PHACTR2: variants seen among roughly 807,000 people sequenced by gnomAD.
The protein encoded by PHACTR2 is phosphatase and actin regulator 2.
Under a neutral mutation model 76.0 loss-of-function variants are expected in PHACTR2, and 30 were observed. That is an observed-to-expected ratio of 0.39 (90% CI 0.30 to 0.54). The LOEUF (loss-of-function observed/expected upper bound fraction) is 0.54. PHACTR2 is among the 20% of genes least tolerant of loss of function. The probability of loss-of-function intolerance (pLI) is 0.61; values close to 1 mark genes in which losing one functional copy is unlikely to be tolerated. For synonymous variants in PHACTR2, 292 were observed against 292.5 expected (o/e 1.00, Z 0.02); for missense variants, 696 against 781.1 (o/e 0.89, Z 1.30).
At position 143,765,180 on chromosome 6, in the gene PHACTR2, G is replaced by T. The variant is rs908050450; in HGVS notation, c.695-81G>T. On this transcript the variant is annotated intron_variant, in intron 5 of 12. Transcript: ENST00000440869. This position sits in a 1 kb window ranked among gnomAD's most constrained non-coding sequence, Gnocchi z 4.1. ...CTTTAAAGGGAACATTTTAAATGTT[G>T]TTGACAGTTACACCTTGGTTACTTT... 2 of 1,062,142 alleles carry T rather than the reference G, an allele frequency of 1.9e-6. No individual in the cohort carries two copies. The highest frequency in any genetic ancestry group is 3.2e-5 in the African/African-American group (2 of 63,054). The allele number at this position is 1,062,142 out of a possible 1,614,324, so 65.8% of individuals were successfully genotyped here.
rs749465295 is a variant in PHACTR2 at position 143,801,641 on chromosome 6, A to G, written c.1846-5416A>G. ...TTTTAGCTTCCTTGAAATGGATTAG[A>G]TCATGCTCCTTTAGCTCGGAGAAGT... On this transcript the variant is annotated intron_variant, in intron 11 of 12. Transcript: ENST00000440869. The surrounding 1 kb of genome is among the most constrained non-coding windows in gnomAD (Gnocchi z 4.6). Among the ~76,000 whole-genome samples, 3 of 152,128 alleles carry G rather than the reference A, an allele frequency of 2.0e-5. No homozygotes were observed. Among genetic ancestry groups the G allele is most frequent in the Non-Finnish European group, 4.4e-5 (3 of 68,024 alleles).
chr6:143,642,249 C>G (rs759232243), intron 1 of PHACTR2, among the ~76,000 whole-genome samples: 1 of 152,186 alleles, frequency 6.6e-6, no homozygotes, highest in African/African-American at 2.4e-5. Context: ...GAAGATCCAG[C>G]TTCTGTACCA....
intron 1 of PHACTR2, among the ~76,000 whole-genome samples, chr6:143,600,950 A>G (rs1775809027): frequency 6.6e-6 from 1 of 152,266 alleles, no homozygotes; most frequent in African/African-American, 2.4e-5. Context: ...GAGATGACAC[A>G]TGAACATGCT....
intron 1 of PHACTR2, among the ~76,000 whole-genome samples, chr6:143,569,021 T>C (rs1775403408): frequency 6.6e-6 from 1 of 152,208 alleles, no homozygotes; most frequent in African/African-American, 2.4e-5. Flanking sequence ...TTCCCAGATA[T>C]ATTTCTCCCT....
In PHACTR2 at chr6:143,801,274, T is replaced by A. The variant is rs1452081332; in HGVS notation, c.1846-5783T>A. 6.6e-6 allele frequency among the ~76,000 whole-genome samples: 1 copy of A among 152,230 alleles called. No individual in the cohort carries two copies. Among genetic ancestry groups the A allele is most frequent in the Admixed American group, 6.5e-5 (1 of 15,280 alleles). On this transcript the variant is annotated intron_variant, in intron 11 of 12. Coordinates refer to ENST00000440869, the MANE Select transcript of PHACTR2 (RefSeq NM_001100164.2). The surrounding 1 kb of genome is among the most constrained non-coding windows in gnomAD (Gnocchi z 4.6). Reference sequence around the variant, plus strand: ...GCTAGGTTGGGGAAGTTCTCCTGGATAATATCCTGAAGAGTGTTTTTCAAC... The same window carrying A: ...GCTAGGTTGGGGAAGTTCTCCTGGAAAATATCCTGAAGAGTGTTTTTCAAC...
In PHACTR2 at chr6:143,541,537, ATTAGC is replaced by A. The variant is rs1337660834; in HGVS notation, c.217+4334_217+4338del. On this transcript the variant is annotated intron_variant, in intron 1 of 11. Transcript: ENST00000367584. The surrounding 1 kb of genome is among the most constrained non-coding windows in gnomAD (Gnocchi z 5.3). ...GCAGTATAGGTGTGTGGACCACTTCATTAGCTTAATGTGCAAGTACAATCTCATCT... is the reference window on the plus strand; with the variant it reads ...GCAGTATAGGTGTGTGGACCACTTCATTAATGTGCAAGTACAATCTCATCT... 2.0e-5 allele frequency among the ~76,000 whole-genome samples: 3 copies of A among 152,242 alleles called. No individual in the cohort carries two copies. Among genetic ancestry groups the A allele is most frequent in the Admixed American group, 1.3e-4 (2 of 15,282 alleles).
rs568227331 is a variant in PHACTR2, at chr6:143,823,638, A to G, written c.1923-36A>G. 3 of 1,594,274 alleles carry G rather than the reference A, an allele frequency of 1.9e-6. No individual in the cohort carries two copies. Among genetic ancestry groups the G allele is most frequent in the East Asian group, 2.2e-5 (1 of 44,770 alleles). On this transcript the variant is annotated intron_variant, in intron 12 of 12. Coordinates refer to ENST00000440869, the MANE Select transcript of PHACTR2 (RefSeq NM_001100164.2). This position sits in a 1 kb window ranked among gnomAD's most constrained non-coding sequence, Gnocchi z 5.7. ...CTCACTGCATGCAGAATGTGCTCCT[A>G]GGCCACAGGCTTATAGTTTCTATTT...
rs916100490 is a variant in PHACTR2, at chr6:143,709,190, C to T, written c.47-2826C>T. 6.6e-6 allele frequency among the ~76,000 whole-genome samples: 1 copy of T among 152,062 alleles called. No individual in the cohort carries two copies. Among genetic ancestry groups the T allele is most frequent in the African/African-American group, 2.4e-5 (1 of 41,388 alleles). Reference sequence around the variant, plus strand: ...GAATTAGCTTCAAAATCAGTCTGTCCCCTGTATCTCTATCTGTTGTGCTAT... The same window carrying T: ...GAATTAGCTTCAAAATCAGTCTGTCTCCTGTATCTCTATCTGTTGTGCTAT... On this transcript the variant is annotated intron_variant, in intron 1 of 12. Coordinates refer to ENST00000440869, the MANE Select transcript of PHACTR2 (RefSeq NM_001100164.2). This position sits in a 1 kb window ranked among gnomAD's most constrained non-coding sequence, Gnocchi z 4.4.
chr6:143,713,337 T>A (rs1778224837), intron 2 of PHACTR2, among the ~76,000 whole-genome samples: 1 of 152,086 alleles, frequency 6.6e-6, no homozygotes, highest in African/African-American at 2.4e-5. Context: ...GAGTGTGAGG[T>A]AGGTAAGATT....
rs1775072281 is a variant in PHACTR2, at chr6:143,550,058, A to C, written c.217+12851A>C. Among the ~76,000 whole-genome samples, 1 of 152,032 alleles carries C rather than the reference A, an allele frequency of 6.6e-6. No individual in the cohort carries two copies. Among genetic ancestry groups the C allele is most frequent in the African/African-American group, 2.4e-5 (1 of 41,426 alleles). On this transcript the variant is annotated intron_variant, in intron 1 of 11. Transcript: ENST00000367584. This position sits in a 1 kb window ranked among gnomAD's most constrained non-coding sequence, Gnocchi z 4.8. Reference sequence around the variant, plus strand: ...GAGTGATATCCCAATGCATCAGTGGACTACTCAAATCAAACGTAATGGCCT... The same window carrying C: ...GAGTGATATCCCAATGCATCAGTGGCCTACTCAAATCAAACGTAATGGCCT...
At position 143,709,483 on chromosome 6, in the gene PHACTR2, C is replaced by T. The variant is rs767755257; in HGVS notation, c.47-2533C>T. 5.9e-5 allele frequency among the ~76,000 whole-genome samples: 9 copies of T among 152,122 alleles called. No individual in the cohort carries two copies. The highest frequency in any genetic ancestry group is 2.1e-4 in the South Asian group (1 of 4,822). On this transcript the variant is annotated intron_variant, in intron 1 of 12. Transcript: ENST00000440869. This position sits in a 1 kb window ranked among gnomAD's most constrained non-coding sequence, Gnocchi z 4.4. ...GGTTCTTAGTGTGTCAAGTGATTTTCGATGGAAACTTGGACATTTTTGTAT... is the reference window on the plus strand; with the variant it reads ...GGTTCTTAGTGTGTCAAGTGATTTTTGATGGAAACTTGGACATTTTTGTAT...
chr6:143,621,542 A>T lies in PHACTR2; in HGVS notation c.13+13220A>T, dbSNP rs1776154311. Among the ~76,000 whole-genome samples, 1 of 152,156 alleles carries T rather than the reference A, an allele frequency of 6.6e-6. No individual in the cohort carries two copies. Among genetic ancestry groups the T allele is most frequent in the Non-Finnish European group, 1.5e-5 (1 of 68,034 alleles). On this transcript the variant is annotated intron_variant, in intron 1 of 11. Coordinates refer to the PHACTR2 transcript ENST00000305766. This position sits in a 1 kb window ranked among gnomAD's most constrained non-coding sequence, Gnocchi z 4.1. ...GCAACTCTTTCTTATATTTAATCAC[A>T]TTTACTGGCTTTCTCAAATTGAACA...
intron 1 of PHACTR2, among the ~76,000 whole-genome samples, chr6:143,642,900 A>G (rs532217886): frequency 1.2e-4 from 19 of 152,358 alleles, no homozygotes; most frequent in Non-Finnish European, 8.8e-5. Flanking sequence ...ATGTTCTTTA[A>G]GCCACCCAGT....
rs76116127 is a variant in PHACTR2, at chr6:143,544,222, T to G, written c.217+7015T>G. Among the ~76,000 whole-genome samples the G allele has an allele frequency of 7.0e-3, 936 of 134,202 alleles. 10 individuals are homozygous for G. The highest frequency in any genetic ancestry group is 0.028 in the African/African-American group (905 of 32,312). 88.0% of individuals were successfully genotyped at this position (134,202 alleles called of 152,430 possible). A position where few individuals can be genotyped will look rare whatever the true frequency, so the allele number is the denominator to read the frequency against. ...TTGTGTGATAGTAGGTCATAAGACC[T>G]TCATTCCAGGAGGGAGGGAGGGAGG... is the stretch of plus-strand genomic sequence containing the variant. On this transcript the variant is annotated intron_variant, in intron 1 of 11. Transcript: ENST00000367584.
At position 143,664,509 on chromosome 6, in the gene PHACTR2, T is replaced by A. The variant is rs894093255; in HGVS notation, c.14-47507T>A. On this transcript the variant is annotated intron_variant, in intron 1 of 11. Coordinates refer to the PHACTR2 transcript ENST00000305766. The surrounding 1 kb of genome is among the most constrained non-coding windows in gnomAD (Gnocchi z 5.1). ...TTCTCATTATTTGGATTAGTGAAGCTTTCTTTAATCCCCTTCTTTTGTTTA... is the reference window on the plus strand; with the variant it reads ...TTCTCATTATTTGGATTAGTGAAGCATTCTTTAATCCCCTTCTTTTGTTTA... Among the ~76,000 whole-genome samples the A allele has an allele frequency of 2.0e-5, 3 of 152,212 alleles. No individual in the cohort carries two copies. Among genetic ancestry groups the A allele is most frequent in the Admixed American group, 2.0e-4 (3 of 15,288 alleles).
chr6:143,675,665 T>G (rs1423178895), upstream of PHACTR2, among the ~76,000 whole-genome samples: 1 of 152,212 alleles, frequency 6.6e-6, no homozygotes. The surrounding 1 kb of genome is among the most constrained non-coding windows in gnomAD (Gnocchi z 4.9). Flanking sequence ...TATAAATAGA[T>G]AGCTTCCTCA....
intron 1 of PHACTR2, among the ~76,000 whole-genome samples, chr6:143,651,336 C>G (rs1328838965): frequency 6.6e-6 from 1 of 152,140 alleles, no homozygotes. Context: ...AATCTCATTA[C>G]TGGGTGTATA....
chr6:143,740,508 T>TTAAAAA (rs112665368), intron 2 of PHACTR2, among the ~76,000 whole-genome samples: 56 of 128,696 alleles, frequency 4.4e-4, no homozygotes, highest in Admixed American at 1.1e-3. Flanking sequence ...TCCTTTTAAT[T>TTAAAAA]AAAAAAAAAA....
chr6:143,740,988 C>T (rs1778928076), intron 2 of PHACTR2, among the ~76,000 whole-genome samples: 1 of 152,248 alleles, frequency 6.6e-6, no homozygotes, highest in African/African-American at 2.4e-5. Flanking sequence ...GTGGCTCACG[C>T]CTGTCATCCC....
Sources: allele counts gnomAD v4.1 joint callset (sites outside exome capture counted in the v4.1 genomes callset), GRCh38; gene constraint gnomAD v4.1.1; non-coding constraint Gnocchi (gnomAD v3.1); transcripts MANE v1.5; gene names NCBI Gene and HGNC (gene_info 2026-07-23, HGNC 2026-07-21).